ZNF473: variants seen among roughly 807,000 people sequenced by gnomAD.
ZNF473 encodes the protein zinc finger protein 100 homolog.
Under a neutral mutation model 11.1 loss-of-function variants are expected in ZNF473, and 4 were observed. The ratio of observed to expected loss-of-function variants is 0.36; its 90% confidence interval spans 0.18 to 0.82. ZNF473 has a LOEUF of 0.82. Ranked by LOEUF, ZNF473 falls within the 40% of genes least tolerant of loss-of-function variation. ZNF473 has a pLI of 0.49. For missense variants in ZNF473, 854 were observed against 1,084.0 expected (o/e 0.79, Z 2.98); for synonymous variants, 404 against 390.4 (o/e 1.03, Z -0.41).
Position 50,045,351 on chromosome 19 carries a change from A to G in ZNF473, c.908A>G (p.His303Arg). 2.5e-6 allele frequency: 4 copies of G among 1,614,188 alleles called. No homozygotes were observed. Among genetic ancestry groups the G allele is most frequent in the South Asian group, 2.2e-5 (2 of 91,076 alleles). Residue 303 changes from histidine to arginine, a missense_variant, in exon 5 of 5, where the codon CAT becomes CGT. This residue lies in a region of ZNF473 where 668 missense variants were observed against 790.2 expected (regional missense o/e 0.85). Transcript: ENST00000270617. ...CAAGATAGTGACCACCCACCCAGTC[A>G]TGACACACAGCCTGGTGAGCATCAG... Reference protein sequence around the residue: ...KSQDSDHPPSHDTQPGEHQKT... With the variant: ...KSQDSDHPPSRDTQPGEHQKT...
chr19:50,036,538 A>T (rs1978457699), intron 2 of ZNF473, among the ~76,000 whole-genome samples: 1 of 143,078 alleles, frequency 7.0e-6, no homozygotes, highest in African/African-American at 2.7e-5. Context: ...GTTAGCCAGG[A>T]TGGTGTCGAT....
intron 1 of ZNF473, among the ~76,000 whole-genome samples, chr19:50,026,637 G>T (rs1215678629): frequency 6.6e-6 from 1 of 151,718 alleles, no homozygotes; most frequent in East Asian, 1.9e-4. Context: ...TTCGAGGCTA[G>T]CCTGGGCCAG....
At chr19:50,038,220 A>G (rs75463469) in intron 2 of ZNF473, among the ~76,000 whole-genome samples, 7,703 of 147,460 alleles carry the variant, frequency 0.052, 661 homozygotes, top group African/African-American at 0.18. Flanking sequence ...ATAATTATAT[A>G]TAAAATAAAA....
At chr19:50,036,527 T>C (rs1407552401) in intron 2 of ZNF473, among the ~76,000 whole-genome samples, 1 of 149,170 alleles carries the variant, frequency 6.7e-6, no homozygotes, top group Non-Finnish European at 1.5e-5. Flanking sequence ...GGTTTCACTG[T>C]GTTAGCCAGG....
chr19:50,045,408 G>A lies in ZNF473; in HGVS notation c.965G>A (p.Cys322Tyr), dbSNP rs941882727. ...KTHTDSKSYNCNECGKAFTRI... is the reference protein window; with the variant it reads ...KTHTDSKSYNYNECGKAFTRI... ...CACACAGATAGTAAGTCCTACAACTGTAACGAATGCGGCAAGGCTTTTACC... is the reference window on the plus strand; with the variant it reads ...CACACAGATAGTAAGTCCTACAACTATAACGAATGCGGCAAGGCTTTTACC... Residue 322 changes from cysteine to tyrosine, a missense_variant, in exon 5 of 5, where the codon TGT becomes TAT. By Grantham distance (194) the Cys-to-Tyr change is radical. Around this residue, in one of 2 missense-constraint regions of ZNF473, gnomAD observed 668 missense variants for 790.2 expected, o/e 0.85. Transcript: ENST00000270617. 1.9e-6 allele frequency: 3 copies of A among 1,614,098 alleles called. No individual in the cohort carries two copies. Among genetic ancestry groups the A allele is most frequent in the African/African-American group, 2.7e-5 (2 of 74,918 alleles).
intron 1 of ZNF473, among the ~76,000 whole-genome samples, chr19:50,028,912 A>G (rs533874786): frequency 6.6e-6 from 1 of 152,364 alleles, no homozygotes; most frequent in Non-Finnish European, 1.5e-5. Flanking sequence ...CATTTATTGT[A>G]GGTCTACCAT....
chr19:50,027,493 C>T (rs929600773), intron 1 of ZNF473, among the ~76,000 whole-genome samples: 1 of 152,130 alleles, frequency 6.6e-6, no homozygotes, highest in Non-Finnish European at 1.5e-5. Flanking sequence ...GGCTGGATGA[C>T]CTTGGGCTCC....
At position 50,047,202 on chromosome 19, in the gene ZNF473, CAATG is replaced by C. The variant is rs2078422309; in HGVS notation, c.*146_*149del. 4.1e-6 allele frequency: 3 copies of C among 740,008 alleles called. No homozygotes were observed. The highest frequency in any genetic ancestry group is 2.1e-6 in the Non-Finnish European group (1 of 467,306). The allele number at this position is 740,008 out of a possible 1,614,324, so 45.8% of individuals were successfully genotyped here. A position where few individuals can be genotyped will look rare whatever the true frequency, so the allele number is the denominator to read the frequency against. ...TTTGTGCGCATGTTTTTCATTATAA[CAATG>C]AAAACACAAAAGTGGAGAAGCTGTA... is the stretch of plus-strand genomic sequence containing the variant. On this transcript the variant is annotated 3_prime_UTR_variant, in exon 5 of 5. Coordinates refer to ENST00000270617, the MANE Select transcript of ZNF473 (RefSeq NM_015428.4).
At chr19:50,038,035 G>T (rs1255084618) in intron 2 of ZNF473, among the ~76,000 whole-genome samples, 2 of 146,106 alleles carry the variant, frequency 1.4e-5, no homozygotes, top group East Asian at 2.0e-4. Context: ...TTGAGACAGG[G>T]TCTCACTGTC....
chr19:50,041,989 C>G, intron 4 of ZNF473, 170 bp downstream of exon 4: 1 of 530,180 alleles, frequency 1.9e-6, no homozygotes, highest in Non-Finnish European at 3.3e-6. Flanking sequence ...CTGGGGGGAT[C>G]AGGACATTTT....
chr19:50,032,252 A>ATC (rs2077322298), intron 2 of ZNF473, among the ~76,000 whole-genome samples: 1 of 150,802 alleles, frequency 6.6e-6, no homozygotes, highest in Non-Finnish European at 1.5e-5. Context: ...GTCCTCTTTG[A>ATC]TCTGGCTCCT....
intron 2 of ZNF473, among the ~76,000 whole-genome samples, chr19:50,034,464 C>CAT (rs1342455173): frequency 6.6e-6 from 1 of 152,156 alleles, no homozygotes; most frequent in African/African-American, 2.4e-5. Flanking sequence ...AATGCATGAC[C>CAT]TAATGAAGGC....
chr19:50,032,833 G>C (rs886684689), intron 2 of ZNF473, among the ~76,000 whole-genome samples: 2 of 152,148 alleles, frequency 1.3e-5, no homozygotes, highest in African/African-American at 4.8e-5. Context: ...CCTCGGCCTG[G>C]AGAGGCATCA....
Position 50,048,554 on chromosome 19 carries a change from C to G in ZNF473, c.*1495C>G, listed in dbSNP as rs184134318. 2.0e-5 allele frequency: 3 copies of G among 152,308 alleles called. No individual in the cohort carries two copies. The East Asian group carries it at 5.8e-4, about 29-fold the overall frequency. The allele number at this position is 152,308 out of a possible 1,614,324, so 9.4% of individuals were successfully genotyped here. ...TAACTTCTCGCACATGGTTCCCGTC[C>G]TCTGGAGCTCTGTCTTGTCGGGGAG... is the stretch of plus-strand genomic sequence containing the variant. On this transcript the variant is annotated 3_prime_UTR_variant, in exon 5 of 5. Coordinates refer to ENST00000270617, the MANE Select transcript of ZNF473 (RefSeq NM_015428.4).
At chr19:50,027,154 A>G (rs1417287933) in intron 1 of ZNF473, among the ~76,000 whole-genome samples, 2 of 152,046 alleles carry the variant, frequency 1.3e-5, no homozygotes, top group African/African-American at 2.4e-5. Context: ...TGCATATTTT[A>G]TAATTAGGCA....
chr19:50,027,931 C>T (rs10405466), intron 1 of ZNF473, among the ~76,000 whole-genome samples: 8,002 of 152,136 alleles, frequency 0.053, 691 homozygotes, highest in African/African-American at 0.18. Context: ...TCAGGTGATC[C>T]GCCTGCCTTG....
Position 50,039,865 on chromosome 19 carries a change from C to T in ZNF473, c.136+578C>T, listed in dbSNP as rs571305415. On this transcript the variant is annotated intron_variant, in intron 3 of 4. Coordinates refer to ENST00000270617, the MANE Select transcript of ZNF473 (RefSeq NM_015428.4). This position sits in a 1 kb window ranked among gnomAD's most constrained non-coding sequence, Gnocchi z 4.8. Reference sequence around the variant, plus strand: ...ATTCAGAGCGGGAGCTGTGTGAGGACAGGGCGTGTCCCCAGTGTTTGGAAC... The same window carrying T: ...ATTCAGAGCGGGAGCTGTGTGAGGATAGGGCGTGTCCCCAGTGTTTGGAAC... Among the ~76,000 whole-genome samples the T allele has an allele frequency of 1.3e-5, 2 of 152,324 alleles. No individual in the cohort carries two copies. The highest frequency in any genetic ancestry group is 4.1e-4 in the South Asian group (2 of 4,828).
Position 50,046,657 on chromosome 19 carries a change from C to T in ZNF473, c.2214C>T (p.Ala738=), listed in dbSNP as rs1979144310. The T allele has an allele frequency of 6.2e-7, 1 of 1,614,220 alleles. No individual in the cohort carries two copies. The highest frequency in any genetic ancestry group is 8.5e-7 in the Non-Finnish European group (1 of 1,180,038). Reference sequence around the variant, plus strand: ...ATGTATGTGATTACTGCGGGAAGGCCTTCGGCCTGAGTGCTGAGCTTGTCC... The same window carrying T: ...ATGTATGTGATTACTGCGGGAAGGCTTTCGGCCTGAGTGCTGAGCTTGTCC... ...KPYVCDYCGK[A]FGLSAELVRH... Residue 738 remains alanine (A), a synonymous_variant, in exon 5 of 5, where the codon GCC becomes GCT. Transcript: ENST00000270617. This position sits in a 1 kb window ranked among gnomAD's most constrained non-coding sequence, Gnocchi z 5.9.
intron 2 of ZNF473, among the ~76,000 whole-genome samples, chr19:50,033,319 G>A (rs2077327104): frequency 6.6e-6 from 1 of 152,164 alleles, no homozygotes; most frequent in Admixed American, 6.5e-5. Context: ...CTGCAAGGAA[G>A]CTGGTGTGGC....
Sources: gnomAD v4.1 joint callset for allele counts (sites outside exome capture counted in the v4.1 genomes callset) on GRCh38, gnomAD v4.1.1 for gene constraint, gnomAD v4.1.1 regional missense constraint, Gnocchi (gnomAD v3.1) non-coding constraint, MANE v1.5 for transcripts, NCBI Gene and HGNC (gene_info 2026-07-23, HGNC 2026-07-21) for gene names.